RALGPS2: variants seen among roughly 807,000 people sequenced by gnomAD.
RALGPS2 encodes the protein Ral GEF with PH domain and SH3 binding motif 2.
RALGPS2 carries 43 observed loss-of-function variants against 86.8 expected under a neutral mutation model. The ratio of observed to expected loss-of-function variants is 0.50; its 90% CI spans 0.39 to 0.64. RALGPS2 has a LOEUF of 0.64. RALGPS2 is among the 30% of genes least tolerant of loss of function. The pLI is 0.00. For missense variants in RALGPS2, 536 were observed against 694.6 expected, an observed-to-expected ratio of 0.77 and a Z score of 2.57; for synonymous variants, 243 against 231.3, an observed-to-expected ratio of 1.05 and a Z score of -0.46.
At chr1:178,878,244 A>G (rs572632621) in intron 9 of RALGPS2, among the ~76,000 whole-genome samples, 1 of 152,270 alleles carries the variant, frequency 6.6e-6, no homozygotes, top group East Asian at 1.9e-4. Context: ...ATGTTTAAAT[A>G]CTTCCAGTTT....
rs561069653 is a variant in RALGPS2 at position 178,877,549 on chromosome 1, G to T, written c.659G>T (p.Gly220Val). The change falls in exon 9 of 20, where the codon GGC (glycine) becomes GTC (valine). Residue 220 changes from glycine to valine, a missense_variant. Gly to Val is a moderately radical substitution (Grantham distance 109, BLOSUM62 -3). Coordinates refer to ENST00000367635, the MANE Select transcript of RALGPS2 (RefSeq NM_152663.5). ...ATCGATTCAGCATACCCATCAACTG[G>T]CAGCATTCTAGAAAATGAGCAAAGA... The part of the protein sequence containing the change: ...TYIDSAYPST[G>V]SILENEQRSN... 1.9e-6 allele frequency: 3 copies of T among 1,613,362 alleles called. No individual in the cohort carries two copies. The South Asian group carries it at 3.3e-5, about 18-fold the overall frequency.
chr1:178,825,064 C>T (rs746033001), intron 7 of RALGPS2, among the ~76,000 whole-genome samples: 2 of 151,814 alleles, frequency 1.3e-5, no homozygotes, highest in African/African-American at 2.4e-5. Flanking sequence ...ACTAAGAAAA[C>T]GTAATAGGTT....
chr1:178,863,207 A>G (rs1215096929), intron 8 of RALGPS2, among the ~76,000 whole-genome samples: 3 of 152,168 alleles, frequency 2.0e-5, no homozygotes, highest in Non-Finnish European at 2.9e-5. Context: ...CAAGAGACCA[A>G]AAAGGGGACA....
intron 8 of RALGPS2, among the ~76,000 whole-genome samples, chr1:178,848,554 G>C (rs1281255466): frequency 6.6e-6 from 1 of 152,024 alleles, no homozygotes; most frequent in East Asian, 1.9e-4. Context: ...TTTTATTTTT[G>C]GTCCAGCCAC....
At chr1:178,850,999 C>T (rs898170525) in intron 8 of RALGPS2, 27 of 836,828 alleles carry the variant, frequency 3.2e-5, no homozygotes, top group East Asian at 8.9e-5. Flanking sequence ...TTTATAGTTA[C>T]GGTAAAATTC....
In RALGPS2 at chr1:178,893,991, A is replaced by G. The variant is rs1406056070; in HGVS notation, c.1398A>G (p.Arg466=). The G allele has an allele frequency of 6.2e-7, 1 of 1,606,444 alleles. No individual in the cohort carries two copies. The highest frequency in any genetic ancestry group is 8.5e-7 in the Non-Finnish European group (1 of 1,175,220). ...TTACTATTCAAGGTGTTCTCAGGAG[A>G]AAAACTTTGTTAAAAGAAGGCAAAA... ...GAVTIQGVLR[R]KTLLKEGKKP... Residue 466 remains arginine, a synonymous_variant, in exon 16 of 20, where the codon AGA becomes AGG. Coordinates refer to ENST00000367635, the MANE Select transcript of RALGPS2 (RefSeq NM_152663.5).
chr1:178,843,871 T>C (rs140626585), intron 8 of RALGPS2, among the ~76,000 whole-genome samples: 1 of 152,216 alleles, frequency 6.6e-6, no homozygotes, highest in Non-Finnish European at 1.5e-5. Flanking sequence ...GAAACATTTG[T>C]CAGATGAGTT....
At chr1:178,912,313 G>A (rs981603471) in intron 19 of RALGPS2, among the ~76,000 whole-genome samples, 2 of 152,112 alleles carry the variant, frequency 1.3e-5, no homozygotes, top group African/African-American at 2.4e-5. Flanking sequence ...TGTTTTTGTG[G>A]TGGCAGTTAT....
At chr1:178,889,272 C>T (rs1238898674) in intron 13 of RALGPS2, among the ~76,000 whole-genome samples, 2 of 151,814 alleles carry the variant, frequency 1.3e-5, no homozygotes, top group East Asian at 1.9e-4. Flanking sequence ...TGCCATGAAT[C>T]GTCAAGGATT....
chr1:178,870,841 A>G (rs531992775), intron 8 of RALGPS2: 1 of 152,306 alleles, frequency 6.6e-6, no homozygotes, highest in Non-Finnish European at 1.5e-5. Context: ...CTTTAATGGC[A>G]GCTGCATTTT....
At chr1:178,888,669 A>G (rs77707912) in intron 13 of RALGPS2, among the ~76,000 whole-genome samples, 4,600 of 152,268 alleles carry the variant, frequency 0.03, 229 homozygotes, top group African/African-American at 0.1. Context: ...GAACCATACA[A>G]TACAGAAAAT....
At chr1:178,793,256 A>G (rs1654044070) in intron 4 of RALGPS2, among the ~76,000 whole-genome samples, 1 of 152,086 alleles carries the variant, frequency 6.6e-6, no homozygotes, top group Non-Finnish European at 1.5e-5. Flanking sequence ...TTTAAATCTA[A>G]ATAAAGGGTA....
Position 178,916,549 on chromosome 1 carries a change from A to T in RALGPS2, c.*190A>T. On this transcript the variant is annotated 3_prime_UTR_variant, in exon 20 of 20. Coordinates refer to ENST00000367635, the MANE Select transcript of RALGPS2 (RefSeq NM_152663.5). ...GAGATATTCCCAGAGAACAAATTGG[A>T]GTTGCAAAACAAACTGCCATGAACC... The T allele has an allele frequency of 1.7e-6, 1 of 574,972 alleles. No individual in the cohort carries two copies. The highest frequency in any genetic ancestry group is 3.0e-6 in the Non-Finnish European group (1 of 334,226). The allele number at this position is 574,972 out of a possible 1,614,324, so 35.6% of individuals were successfully genotyped here.
intron 12 of RALGPS2, 64 bp downstream of exon 12, chr1:178,885,275 T>G (rs1659433211): frequency 6.7e-7 from 1 of 1,489,400 alleles, no homozygotes; most frequent in Non-Finnish European, 9.1e-7. Context: ...TATTGTCGAT[T>G]TATTAGTTCA....
chr1:178,736,289 G>T (rs959335383), intron 1 of RALGPS2, among the ~76,000 whole-genome samples: 3 of 150,792 alleles, frequency 2.0e-5, no homozygotes, highest in Admixed American at 6.6e-5. Flanking sequence ...AGCTTCTCAA[G>T]TAGCTGAGAT....
At chr1:178,880,473 T>C (rs1387316198) in intron 10 of RALGPS2, among the ~76,000 whole-genome samples, 3 of 152,208 alleles carry the variant, frequency 2.0e-5, no homozygotes, top group African/African-American at 7.2e-5. Context: ...TGAAAATGTA[T>C]GAAGTCAATG....
chr1:178,845,009 G>A (rs745632019), intron 8 of RALGPS2, among the ~76,000 whole-genome samples: 28 of 150,844 alleles, frequency 1.9e-4, no homozygotes, highest in Middle Eastern at 3.4e-3. Flanking sequence ...GCAAAACCAC[G>A]TCTCTACTAA....
chr1:178,742,132 CAAAAA>C (rs34861793), intron 1 of RALGPS2, among the ~76,000 whole-genome samples: 2 of 82,698 alleles, frequency 2.4e-5, no homozygotes, highest in Non-Finnish European at 2.5e-5. Context: ...AAGATTCCGT[CAAAAA>C]AAAAAAAAAA....
chr1:178,811,409 GA>G lies in RALGPS2; in HGVS notation c.387+10del. The G allele has an allele frequency of 6.6e-7, 1 of 1,513,348 alleles. No individual in the cohort carries two copies. Among genetic ancestry groups the G allele is most frequent in the Admixed American group, 2.5e-5 (1 of 40,012 alleles). 93.7% of individuals were successfully genotyped at this position (1,513,348 alleles called of 1,614,324 possible). ...CACTATATTAAAACTGCTAAGGTAAGAAAAACTTGTGTTTTTATTTTTGAGT... is the reference window on the plus strand; with the variant it reads ...CACTATATTAAAACTGCTAAGGTAAGAAAACTTGTGTTTTTATTTTTGAGT... On this transcript the variant is annotated splice_donor_region_variant and intron_variant, in intron 6 of 19. Transcript: ENST00000367635.
Sources: allele counts gnomAD v4.1 joint callset (sites outside exome capture counted in the v4.1 genomes callset), GRCh38; gene constraint gnomAD v4.1.1; transcripts MANE v1.5; gene names NCBI Gene and HGNC (gene_info 2026-07-23, HGNC 2026-07-21).